The following BCL2 variants were observed in gnomAD, a reference collection of about 807,000 sequenced individuals.
BCL2 encodes apoptosis regulator Bcl-2.
A neutral mutation model predicts 14.2 loss-of-function variants in BCL2; 1 was observed. The observed-to-expected ratio is 0.07, with a 90% CI of 0.02 to 0.33. The LOEUF is 0.33. Among genes scored for constraint, BCL2 ranks in the 10% least tolerant of loss-of-function variants. The pLI, the probability that BCL2 is intolerant of heterozygous loss-of-function variation, is 0.99. For missense variants in BCL2, 247 were observed against 305.9 expected (o/e 0.81, Z 1.44); for synonymous variants, 151 against 137.2 (o/e 1.10, Z -0.70).
intron 2 of BCL2, among the ~76,000 whole-genome samples, chr18:63,172,567 G>A (rs989728223): frequency 1.3e-5 from 2 of 152,168 alleles, no homozygotes; most frequent in Non-Finnish European, 2.9e-5. Flanking sequence ...GGATCACAAG[G>A]TCAGGAGATC....
chr18:63,214,269 C>A (rs1306411190), intron 2 of BCL2, among the ~76,000 whole-genome samples: 1 of 152,014 alleles, frequency 6.6e-6, no homozygotes. Flanking sequence ...AGGAGGACAC[C>A]CAGTGAGGAG....
intron 2 of BCL2, among the ~76,000 whole-genome samples, chr18:63,237,887 C>T (rs1324251222): frequency 6.6e-6 from 1 of 151,884 alleles, no homozygotes; most frequent in Non-Finnish European, 1.5e-5. Flanking sequence ...TAAAAGAACC[C>T]TTGGCCGCAT....
chr18:63,260,808 A>C (rs995306058), intron 2 of BCL2, among the ~76,000 whole-genome samples: 1 of 152,220 alleles, frequency 6.6e-6, no homozygotes. Context: ...AAAAAGAAGA[A>C]ATAAAATGAA....
At chr18:63,208,931 G>A (rs1909919487) in intron 2 of BCL2, among the ~76,000 whole-genome samples, 1 of 152,188 alleles carries the variant, frequency 6.6e-6, no homozygotes, top group Admixed American at 6.5e-5. Flanking sequence ...AAACTCCAGA[G>A]ATCACCTGAC....
At chr18:63,226,064 G>A (rs1336821778) in intron 2 of BCL2, among the ~76,000 whole-genome samples, 1 of 152,174 alleles carries the variant, frequency 6.6e-6, no homozygotes, top group East Asian at 1.9e-4. Context: ...AGTAGGAAGG[G>A]GAGCTGAAAA....
chr18:63,127,328 C>T lies in BCL2; in HGVS notation c.*1297G>A, dbSNP rs760985165. ...AAATGGGCCGTGGCCATTGCCTCTC[C>T]TCACGTTCCCAGCCTTCACCATGTC... On this transcript the variant is annotated 3_prime_UTR_variant, in exon 3 of 3. Transcript: ENST00000333681. 2 of 232,298 alleles carry T rather than the reference C, an allele frequency of 8.6e-6. No individual in the cohort carries two copies. Among genetic ancestry groups the T allele is most frequent in the Non-Finnish European group, 1.7e-5 (2 of 117,328 alleles). The allele number at this position is 232,298 out of a possible 1,614,324, so 14.4% of individuals were successfully genotyped here. A position where few individuals can be genotyped will look rare whatever the true frequency, so the allele number is the denominator to read the frequency against.
Position 63,123,523 on chromosome 18 carries a change from G to A in BCL2, c.*5102C>T. 9.6e-6 allele frequency: 2 copies of A among 207,472 alleles called. No homozygotes were observed. The highest frequency in any genetic ancestry group is 2.0e-5 in the Non-Finnish European group (2 of 101,724). 12.9% of individuals were successfully genotyped at this position (207,472 alleles called of 1,614,324 possible). ...AAAGTATCCTTACCGTATTTTTTAT[G>A]TGTACAGTGTTGCAGAATATCAGCC... On this transcript the variant is annotated 3_prime_UTR_variant, in exon 3 of 3. Transcript: ENST00000333681.
chr18:63,257,016 T>C (rs1911498110), intron 2 of BCL2, among the ~76,000 whole-genome samples: 1 of 152,272 alleles, frequency 6.6e-6, no homozygotes, highest in Non-Finnish European at 1.5e-5. Flanking sequence ...ATTGTGTAAC[T>C]TATTCCAAGG....
chr18:63,198,615 CTG>C (rs1909541008), intron 2 of BCL2, among the ~76,000 whole-genome samples: 1 of 48,228 alleles, frequency 2.1e-5, no homozygotes. Flanking sequence ...CAGACACACA[CTG>C]ACACACAGAC....
At chr18:63,156,130 T>C (rs1468037054) in intron 2 of BCL2, among the ~76,000 whole-genome samples, 2 of 140,288 alleles carry the variant, frequency 1.4e-5, no homozygotes, top group East Asian at 2.2e-4. Context: ...TCAGACGGGC[T>C]GGCAGGGGAG....
chr18:63,132,869 G>A (rs151167519), intron 2 of BCL2, among the ~76,000 whole-genome samples: 8 of 152,306 alleles, frequency 5.3e-5, no homozygotes, highest in African/African-American at 1.2e-4. Context: ...AACCTGGGTC[G>A]TCATGTGATT....
intron 2 of BCL2, among the ~76,000 whole-genome samples, chr18:63,193,057 G>A (rs909900987): frequency 2.6e-5 from 4 of 152,160 alleles, no homozygotes; most frequent in African/African-American, 4.8e-5. Context: ...AAAGTCAACC[G>A]CTGAGTTCTC....
chr18:63,172,203 A>G (rs1915237779), intron 2 of BCL2, among the ~76,000 whole-genome samples: 1 of 152,174 alleles, frequency 6.6e-6, no homozygotes, highest in Non-Finnish European at 1.5e-5. Context: ...CTAATGAACA[A>G]TTTCTAAAGA....
intron 2 of BCL2, among the ~76,000 whole-genome samples, chr18:63,291,450 C>G (rs1039386623): frequency 2.6e-5 from 4 of 152,180 alleles, no homozygotes; most frequent in Non-Finnish European, 5.9e-5. Flanking sequence ...CAGCTACCTT[C>G]AGATATGCCT....
chr18:63,178,468 T>A (rs1915401049), intron 2 of BCL2, among the ~76,000 whole-genome samples: 2 of 152,134 alleles, frequency 1.3e-5, no homozygotes, highest in Admixed American at 6.5e-5. Flanking sequence ...TCCATTTCCA[T>A]CAGATTAAAA....
intron 2 of BCL2, chr18:63,207,990 C>G (rs1909888291): frequency 6.6e-6 from 1 of 152,186 alleles, no homozygotes; most frequent in Non-Finnish European, 1.5e-5. Flanking sequence ...GGACACTCAA[C>G]AAGAAGAATT....
At chr18:63,190,948 C>T (rs1439202019) in intron 2 of BCL2, among the ~76,000 whole-genome samples, 1 of 152,152 alleles carries the variant, frequency 6.6e-6, no homozygotes, top group Admixed American at 6.5e-5. Flanking sequence ...TGAGAACATG[C>T]AGTGTTTGGT....
At chr18:63,274,784 C>A (rs1290459380) in intron 2 of BCL2, among the ~76,000 whole-genome samples, 1 of 152,222 alleles carries the variant, frequency 6.6e-6, no homozygotes, top group South Asian at 2.1e-4. Flanking sequence ...CCACCTTCCC[C>A]CAAATGAAGA....
intron 2 of BCL2, among the ~76,000 whole-genome samples, chr18:63,205,039 A>AATAAAC (rs1909798424): frequency 1.3e-5 from 2 of 152,136 alleles, no homozygotes; most frequent in African/African-American, 4.8e-5. Flanking sequence ...GAGACTTTCC[A>AATAAAC]ATAAACACCT....
Sources: allele counts gnomAD v4.1 joint callset (sites outside exome capture counted in the v4.1 genomes callset), GRCh38; gene constraint gnomAD v4.1.1; transcripts MANE v1.5; gene names NCBI Gene and HGNC (gene_info 2026-07-23, HGNC 2026-07-21).